Variants in DSCAM observed in about 807,000 individuals in gnomAD.
DSCAM encodes the protein DS cell adhesion molecule.
A neutral mutation model predicts 217.7 loss-of-function variants in DSCAM; 47 were observed. That is an observed-to-expected ratio of 0.22 (90% confidence interval 0.17 to 0.28). The LOEUF is 0.28. Among genes scored for constraint, DSCAM ranks in the 10% least tolerant of loss-of-function variants. The pLI, the probability that DSCAM is intolerant of heterozygous loss-of-function variation, is 1.00. For missense variants in DSCAM, 2,080 were observed against 2,618.3 expected, an observed-to-expected ratio of 0.79 and a Z score of 4.49; for synonymous variants, 1,056 against 1,015.3, an observed-to-expected ratio of 1.04 and a Z score of -0.76.
Position 40,353,577 on chromosome 21 carries a change from G to A in DSCAM, c.822C>T (p.Thr274=), listed in dbSNP as rs778651720. The A allele has an allele frequency of 1.6e-5, 25 of 1,610,296 alleles. No individual in the cohort carries two copies. The highest frequency in any genetic ancestry group is 5.5e-5 in the South Asian group (5 of 90,592). ...PLELSGRFQK[T]VTGLLIENIR... ...TGTTCTCAATGAGCAGCCCCGTCAC[G>A]GTCTTCTGGAACCTCCCTGAAAGTT... The change falls in exon 5 of 33, where the codon ACC becomes ACT. Residue 274 remains threonine, a synonymous_variant. Coordinates refer to ENST00000400454, the MANE Select transcript of DSCAM (RefSeq NM_001389.5).
At chr21:40,750,680 C>G (rs1403134439) in intron 1 of DSCAM, among the ~76,000 whole-genome samples, 1 of 151,758 alleles carries the variant, frequency 6.6e-6, no homozygotes, top group South Asian at 2.1e-4. Context: ...GCATCAGAAA[C>G]CGAACATTCT....
chr21:40,301,936 T>C lies in DSCAM; in HGVS notation c.2063-5762A>G, dbSNP rs140537395. 3.3e-4 allele frequency among the ~76,000 whole-genome samples: 50 copies of C among 152,290 alleles called. 1 individual carries two copies. The East Asian group carries it at 9.1e-3, about 28-fold the overall frequency. ...AGAAGACAGCCTCATAGGAGGACTC[T>C]GGCCAAGAAGATACAGAGCCTGAGA... On this transcript the variant is annotated intron_variant, in intron 9 of 32. Coordinates refer to ENST00000400454, the MANE Select transcript of DSCAM (RefSeq NM_001389.5).
At chr21:40,818,898 A>C (rs1023467417) in intron 1 of DSCAM, among the ~76,000 whole-genome samples, 15 of 152,346 alleles carry the variant, frequency 9.8e-5, no homozygotes, top group African/African-American at 3.4e-4. Context: ...TAATTATTTT[A>C]TATAAAAAGA....
rs141395303 is a variant in DSCAM, at chr21:40,225,143, A to G, written c.2357-35905T>C. The stretch of plus-strand genomic sequence containing the variant: ...GCCAACTGCATGAAAGACACTGCCC[A>G]TTCTCAGACTCAGATCCTCCTGCCA... On this transcript the variant is annotated intron_variant, in intron 11 of 32. Transcript: ENST00000400454. Among the ~76,000 whole-genome samples, 574 of 152,326 alleles carry G rather than the reference A, an allele frequency of 3.8e-3. 18 individuals are homozygous for G. Among genetic ancestry groups the G allele is most frequent in the Non-Finnish European group, 7.1e-4 (48 of 68,032 alleles).
intron 1 of DSCAM, among the ~76,000 whole-genome samples, chr21:40,753,956 C>T (rs1211114657): frequency 6.6e-6 from 1 of 152,204 alleles, no homozygotes; most frequent in Admixed American, 6.5e-5. Flanking sequence ...TCCACACTTC[C>T]AGTTTTCATC....
At chr21:40,232,475 C>T (rs936365545) in intron 11 of DSCAM, among the ~76,000 whole-genome samples, 2 of 152,172 alleles carry the variant, frequency 1.3e-5, no homozygotes, top group African/African-American at 4.8e-5. Context: ...GTCAGTGTCT[C>T]TACAAGGGAC....
At chr21:40,391,201 C>T (rs1156497362) in intron 3 of DSCAM, among the ~76,000 whole-genome samples, 1 of 152,150 alleles carries the variant, frequency 6.6e-6, no homozygotes, top group Non-Finnish European at 1.5e-5. Flanking sequence ...ATTGCCTTAC[C>T]AGGGGCTGGA....
chr21:40,602,156 G>C (rs1332136980), intron 3 of DSCAM, among the ~76,000 whole-genome samples: 2 of 149,244 alleles, frequency 1.3e-5, no homozygotes. Flanking sequence ...TGTCTCCCAG[G>C]CTGAAGTAAT....
At chr21:40,023,599 T>G (rs2088317752) in intron 32 of DSCAM, among the ~76,000 whole-genome samples, 1 of 117,404 alleles carries the variant, frequency 8.5e-6, no homozygotes, top group South Asian at 3.5e-4. Flanking sequence ...TGGTTTTGAT[T>G]TGCATTTCTC....
chr21:40,683,697 C>T (rs2090441830), intron 3 of DSCAM, among the ~76,000 whole-genome samples: 1 of 152,038 alleles, frequency 6.6e-6, no homozygotes, highest in Non-Finnish European at 1.5e-5. Flanking sequence ...ACAGCTCTTC[C>T]TGTGGGAGAG....
chr21:40,743,794 G>A (rs1014173657), intron 1 of DSCAM, among the ~76,000 whole-genome samples: 4 of 151,976 alleles, frequency 2.6e-5, no homozygotes, highest in African/African-American at 4.8e-5. Flanking sequence ...GATGTAAATA[G>A]GTCAAAATTT....
chr21:40,585,179 C>CTT (rs11304632), intron 3 of DSCAM, among the ~76,000 whole-genome samples: 48 of 145,936 alleles, frequency 3.3e-4, no homozygotes, highest in East Asian at 8.1e-4. Flanking sequence ...AAATCAACTT[C>CTT]TTTTTTTTTT....
At chr21:40,069,898 G>T (rs1361604797) in intron 27 of DSCAM, among the ~76,000 whole-genome samples, 2 of 152,032 alleles carry the variant, frequency 1.3e-5, no homozygotes, top group Non-Finnish European at 2.9e-5. Context: ...AAAAAAGAAG[G>T]CCATATATAC....
intron 3 of DSCAM, among the ~76,000 whole-genome samples, chr21:40,605,614 CA>C (rs35238770): frequency 3.5e-4 from 53 of 151,926 alleles, no homozygotes; most frequent in African/African-American, 1.2e-3. Context: ...GCTTCATTTA[CA>C]AAAAAAGGGG....
At chr21:40,531,107 C>G (rs575283279) in intron 3 of DSCAM, among the ~76,000 whole-genome samples, 1 of 152,322 alleles carries the variant, frequency 6.6e-6, no homozygotes, top group South Asian at 2.1e-4. Context: ...ACGTGATTGT[C>G]TCTCTCCAGC....
At chr21:40,075,684 CT>C (rs1202615252) in intron 26 of DSCAM, among the ~76,000 whole-genome samples, 7 of 152,298 alleles carry the variant, frequency 4.6e-5, no homozygotes, top group Admixed American at 3.3e-4. Flanking sequence ...ACTCAAATCC[CT>C]TGTGATTAGG....
chr21:40,818,551 A>C (rs1289947586), intron 1 of DSCAM, among the ~76,000 whole-genome samples: 1 of 88,978 alleles, frequency 1.1e-5, no homozygotes, highest in African/African-American at 1.0e-4. Context: ...GTCTCACAAA[A>C]AAAAAAAAAA....
At chr21:40,181,539 T>C (rs2090801429) in intron 14 of DSCAM, among the ~76,000 whole-genome samples, 1 of 152,172 alleles carries the variant, frequency 6.6e-6, no homozygotes, top group Non-Finnish European at 1.5e-5. Flanking sequence ...TCAAGCCCTG[T>C]TACATAGCTG....
At chr21:40,380,721 C>A (rs142024564) in intron 3 of DSCAM, among the ~76,000 whole-genome samples, 2 of 152,042 alleles carry the variant, frequency 1.3e-5, no homozygotes, top group Non-Finnish European at 2.9e-5. Flanking sequence ...ATGTTTGAGG[C>A]GGGAAAAACT....
Sources: gnomAD v4.1 joint callset for allele counts (sites outside exome capture counted in the v4.1 genomes callset) on GRCh38, gnomAD v4.1.1 for gene constraint, MANE v1.5 for transcripts, NCBI Gene and HGNC (gene_info 2026-07-23, HGNC 2026-07-21) for gene names.